The following COL27A1 variants were observed in gnomAD, a reference collection of about 807,000 sequenced individuals.
COL27A1 encodes the protein collagen type XXVII alpha 1 chain.
A neutral mutation model predicts 251.3 loss-of-function variants in COL27A1; 106 were observed. The observed-to-expected ratio is 0.42, with a 90% confidence interval of 0.36 to 0.50. The LOEUF is 0.50. Ranked by LOEUF, COL27A1 falls within the 20% of genes least tolerant of loss-of-function variation. The probability of loss-of-function intolerance (pLI) is 0.00; values close to 1 mark genes in which losing one functional copy is unlikely to be tolerated. For missense variants in COL27A1, 2,325 were observed against 2,522.8 expected (o/e 0.92, Z 1.68); for synonymous variants, 1,000 against 986.3 (o/e 1.01, Z -0.26).
At chr9:114,251,052 C>T (rs995188203) in intron 25 of COL27A1, among the ~76,000 whole-genome samples, 1 of 152,094 alleles carries the variant, frequency 6.6e-6, no homozygotes, top group African/African-American at 2.4e-5. Flanking sequence ...AACAGAGGCT[C>T]AAATAGGGGA....
At chr9:114,207,379 T>G (rs541762871) in intron 10 of COL27A1, among the ~76,000 whole-genome samples, 1 of 152,292 alleles carries the variant, frequency 6.6e-6, no homozygotes, top group Admixed American at 6.5e-5. Flanking sequence ...CCCAGGGTGC[T>G]GTGCCTCTCT....
chr9:114,169,183 A>T lies in COL27A1; in HGVS notation c.1628A>T (p.Lys543Met). The stretch of plus-strand genomic sequence containing the variant: ...AAGCCCATTGGATCGGAAGCCTCAA[A>T]GAAAGCCGGACCCAAGAGCAGCCCC... ...SKKPIGSEASKKAGPKSSPRK... is the reference protein window; with the variant it reads ...SKKPIGSEASMKAGPKSSPRK... The change falls in exon 3 of 61, where the codon AAG (lysine) becomes ATG (methionine). Residue 543 changes from lysine to methionine, a missense_variant. Around this residue, in one of 4 missense-constraint regions of COL27A1, gnomAD observed 1,183 missense variants for 1,144.1 expected, o/e 1.03. Coordinates refer to ENST00000356083, the MANE Select transcript of COL27A1 (RefSeq NM_032888.4). 1 of 1,614,076 alleles carries T rather than the reference A, an allele frequency of 6.2e-7. No individual in the cohort carries two copies. The highest frequency in any genetic ancestry group is 8.5e-7 in the Non-Finnish European group (1 of 1,180,014).
chr9:114,172,438 A>T lies in COL27A1; in HGVS notation c.1908+2975A>T, dbSNP rs546635760. On this transcript the variant is annotated intron_variant, in intron 3 of 60. Transcript: ENST00000356083. Reference sequence around the variant, plus strand: ...CATGCTGAGCCTGTTTTTGTAGAACATAAGATGATAATAGCTCCCACCTCT... The same window carrying T: ...CATGCTGAGCCTGTTTTTGTAGAACTTAAGATGATAATAGCTCCCACCTCT... 7.9e-5 allele frequency among the ~76,000 whole-genome samples: 12 copies of T among 152,322 alleles called. No individual in the cohort carries two copies. The South Asian group carries it at 1.9e-3, about 24-fold the overall frequency.
At position 114,265,484 on chromosome 9, in the gene COL27A1, C is replaced by G. The variant is rs1272045890; in HGVS notation, c.3393+9C>G. 1.1e-5 allele frequency: 17 copies of G among 1,613,314 alleles called. No homozygotes were observed. Among genetic ancestry groups the G allele is most frequent in the African/African-American group, 1.3e-5 (1 of 74,906 alleles). On this transcript the variant is annotated intron_variant, in intron 32 of 60. Transcript: ENST00000356083. ...GCCTCCCAGGAGAACCGGTAAGAGC[C>G]CTTTCCTTCCCTCTTCTGCTTCTTT...
In COL27A1 at chr9:114,312,441, AC is replaced by A. The variant is rs1829506883; in HGVS notation, c.*1750del. 6.6e-6 allele frequency: 1 copy of A among 151,884 alleles called. No individual in the cohort carries two copies. Among genetic ancestry groups the A allele is most frequent in the Non-Finnish European group, 1.5e-5 (1 of 67,974 alleles). The allele number at this position is 151,884 out of a possible 1,614,324, so 9.4% of individuals were successfully genotyped here. A position where few individuals can be genotyped will look rare whatever the true frequency, so the allele number is the denominator to read the frequency against. On this transcript the variant is annotated 3_prime_UTR_variant, in exon 61 of 61. Coordinates refer to ENST00000356083, the MANE Select transcript of COL27A1 (RefSeq NM_032888.4). ...TCTGTCCACATGTCAGTGTATTAAAACCCCAATGGGTTCCGTTTCTCCTTTT... is the reference window on the plus strand; with the variant it reads ...TCTGTCCACATGTCAGTGTATTAAAACCCAATGGGTTCCGTTTCTCCTTTT...
Position 114,240,226 on chromosome 9 carries a change from C to T in COL27A1, c.2734C>T (p.Pro912Ser), listed in dbSNP as rs906460308. ...GCTCTCTGCTTCCCCTCAGGGATTC[C>T]CAGGAGACATCGGCCCCCCTGGCGA... The part of the protein sequence containing the change: ...FPGPPGPEGF[P>S]GDIGPPGDNG... Residue 912 changes from proline to serine, a missense_variant, in exon 20 of 61, where the codon CCA becomes TCA. Transcript: ENST00000356083. 1.9e-6 allele frequency: 3 copies of T among 1,612,484 alleles called. No individual in the cohort carries two copies. Among genetic ancestry groups the T allele is most frequent in the Non-Finnish European group, 2.5e-6 (3 of 1,179,154 alleles).
chr9:114,311,197 C>T lies in COL27A1; in HGVS notation c.*502C>T, dbSNP rs1274112422. 1.1e-4 allele frequency: 16 copies of T among 151,402 alleles called. No individual in the cohort carries two copies. The highest frequency in any genetic ancestry group is 2.9e-4 in the African/African-American group (12 of 41,184). 9.4% of individuals were successfully genotyped at this position (151,402 alleles called of 1,614,324 possible). On this transcript the variant is annotated 3_prime_UTR_variant, in exon 61 of 61. Transcript: ENST00000356083. ...GGTGCGTTACTATTTTTTTTTCACC[C>T]GGGAAAGAGGTGAGAGGATGGGAAG... is the stretch of plus-strand genomic sequence containing the variant.
chr9:114,241,307 G>A (rs1434430938), intron 21 of COL27A1, among the ~76,000 whole-genome samples: 1 of 152,248 alleles, frequency 6.6e-6, no homozygotes, highest in Non-Finnish European at 1.5e-5. Context: ...CACCGCGACC[G>A]CAGGCGGGCA....
intron 16 of COL27A1, among the ~76,000 whole-genome samples, chr9:114,233,708 T>C (rs1832129520): frequency 6.6e-6 from 1 of 152,190 alleles, no homozygotes; most frequent in South Asian, 2.1e-4. Context: ...ATGTGTTACA[T>C]GGAACTCGGC....
At chr9:114,307,504 G>A (rs982450599) in intron 58 of COL27A1, 165 bp from the exon 59 acceptor site, 1 of 617,040 alleles carries the variant, frequency 1.6e-6, no homozygotes, top group South Asian at 1.9e-5. Flanking sequence ...TGCCCAGAAG[G>A]TTTCCTTCCA....
intron 5 of COL27A1, among the ~76,000 whole-genome samples, chr9:114,193,868 G>A (rs1828917257): frequency 6.6e-6 from 1 of 152,156 alleles, no homozygotes; most frequent in East Asian, 1.9e-4. Context: ...CTGGCCACGT[G>A]CACGGGCAGA....
intron 3 of COL27A1, among the ~76,000 whole-genome samples, chr9:114,175,819 C>A (rs1827392669): frequency 6.6e-6 from 1 of 152,224 alleles, no homozygotes; most frequent in Non-Finnish European, 1.5e-5. Context: ...GCCCTTCACC[C>A]TGCTGGGTCT....
chr9:114,220,390 G>A (rs1831006614), intron 13 of COL27A1, among the ~76,000 whole-genome samples: 1 of 152,218 alleles, frequency 6.6e-6, no homozygotes, highest in South Asian at 2.1e-4. Flanking sequence ...CCAGGCCCTG[G>A]TGGGAGAAGG....
At chr9:114,310,387 TAA>T (rs1186861367) in intron 60 of COL27A1, among the ~76,000 whole-genome samples, 160 bp from the exon 61 acceptor site, 1 of 151,934 alleles carries the variant, frequency 6.6e-6, no homozygotes, top group African/African-American at 2.4e-5. Flanking sequence ...CTTACAAGAA[TAA>T]AAAGAGTGGA....
At chr9:114,184,619 CTGA>C (rs1828190126) in intron 5 of COL27A1, among the ~76,000 whole-genome samples, 1 of 152,226 alleles carries the variant, frequency 6.6e-6, no homozygotes, top group African/African-American at 2.4e-5. Context: ...AGGGTGAACA[CTGA>C]TGATAATAAC....
chr9:114,280,267 G>A (rs947230082), intron 37 of COL27A1, among the ~76,000 whole-genome samples: 2 of 151,206 alleles, frequency 1.3e-5, no homozygotes, highest in Admixed American at 6.6e-5. Flanking sequence ...GCTGGAGTGC[G>A]GTGGTGCTCA....
chr9:114,168,134 TG>T lies in COL27A1; in HGVS notation c.584del (p.Gly195AlafsTer8). The T allele has an allele frequency of 6.2e-7, 1 of 1,613,088 alleles. No homozygotes were observed. ...PFHRDPALDP[G>X]GSFLFGKMNP... ...TCCACAGGGACCCTGCACTCGACCCTGGGGGCTCCTTCCTCTTTGGGAAGAT... is the reference window on the plus strand; with the variant it reads ...TCCACAGGGACCCTGCACTCGACCCTGGGGCTCCTTCCTCTTTGGGAAGAT... On this transcript the variant is annotated frameshift_variant, in exon 3 of 61. Coordinates refer to ENST00000356083, the MANE Select transcript of COL27A1 (RefSeq NM_032888.4). LOFTEE classifies it high-confidence loss of function.
chr9:114,216,380 C>T (rs1830714601), intron 12 of COL27A1, among the ~76,000 whole-genome samples: 2 of 152,194 alleles, frequency 1.3e-5, no homozygotes, highest in Admixed American at 6.5e-5. Context: ...GCCATGTGGT[C>T]GCCTTACACA....
chr9:114,244,447 A>G (rs1254104186), intron 23 of COL27A1, among the ~76,000 whole-genome samples: 1 of 152,260 alleles, frequency 6.6e-6, no homozygotes, highest in Non-Finnish European at 1.5e-5. Flanking sequence ...TCCTCAGCCC[A>G]TGGGCAGCCT....
Sources: allele counts gnomAD v4.1 joint callset (sites outside exome capture counted in the v4.1 genomes callset), GRCh38; gene constraint gnomAD v4.1.1; regional missense constraint gnomAD v4.1.1; transcripts MANE v1.5; gene names NCBI Gene and HGNC (gene_info 2026-07-23, HGNC 2026-07-21).